Variants in ABAT observed in about 807,000 individuals in gnomAD.
ABAT encodes the protein 4-aminobutyrate aminotransferase, mitochondrial.
A neutral mutation model predicts 64.6 loss-of-function variants in ABAT; 45 were observed. The observed-to-expected ratio is 0.70, with a 90% confidence interval of 0.55 to 0.89. The LOEUF (loss-of-function observed/expected upper bound fraction) is 0.89. ABAT is among the 40% of genes least tolerant of loss of function. The probability of loss-of-function intolerance (pLI) is 0.00; values close to 1 mark genes in which losing one functional copy is unlikely to be tolerated. For missense variants in ABAT, 633 were observed against 658.4 expected (o/e 0.96, Z 0.42); for synonymous variants, 297 against 250.5 (o/e 1.19, Z -1.75).
At chr16:8,761,316 C>T (rs10775277) in intron 6 of ABAT, among the ~76,000 whole-genome samples, 111,957 of 151,204 alleles carry the variant, frequency 0.74, 41,679 homozygotes, top group East Asian at 0.82. Context: ...TCCCTTCTCA[C>T]CCCCTCCAAA....
chr16:8,685,324 G>C (rs368028145), intron 1 of ABAT, among the ~76,000 whole-genome samples: 1 of 151,888 alleles, frequency 6.6e-6, no homozygotes, highest in Non-Finnish European at 1.5e-5. Context: ...GCTAGAATCA[G>C]ATAATCCAAA....
At chr16:8,762,144 G>A (rs1013227635) in intron 6 of ABAT, among the ~76,000 whole-genome samples, 1 of 152,124 alleles carries the variant, frequency 6.6e-6, no homozygotes, top group Admixed American at 6.5e-5. Flanking sequence ...GATTATAGGC[G>A]TGAGCCACTG....
intron 5 of ABAT, among the ~76,000 whole-genome samples, chr16:8,755,407 A>G (rs149092687): frequency 0.019 from 2,880 of 152,324 alleles, 42 homozygotes; most frequent in Admixed American, 0.044. Flanking sequence ...CAGGGCTTCA[A>G]GACACATGAA....
chr16:8,764,676 G>T lies in ABAT; in HGVS notation c.448-62G>T, dbSNP rs1292949264. 8.8e-6 allele frequency: 13 copies of T among 1,472,340 alleles called. No homozygotes were observed. Among genetic ancestry groups the T allele is most frequent in the Middle Eastern group, 3.5e-4 (2 of 5,774 alleles). 91.2% of individuals were successfully genotyped at this position (1,472,340 alleles called of 1,614,324 possible). A position where few individuals can be genotyped will look rare whatever the true frequency, so the allele number is the denominator to read the frequency against. On this transcript the variant is annotated intron_variant, in intron 7 of 15. Transcript: ENST00000268251. The surrounding 1 kb of genome is among the most constrained non-coding windows in gnomAD (Gnocchi z 4.2). ...CCCTGCGAAGATTCAGCTCCAGCCA[G>T]GGGAAGCGGGAGGACAGGAGTCATG... is the stretch of plus-strand genomic sequence containing the variant.
chr16:8,722,437 A>C (rs1379875577), intron 1 of ABAT, among the ~76,000 whole-genome samples: 3 of 152,084 alleles, frequency 2.0e-5, no homozygotes, highest in African/African-American at 7.2e-5. Context: ...GAGCCACCAC[A>C]CCTGGCCAGA....
At chr16:8,754,666 ATTTATTTCTTTCTTTCTTTC>A (rs1331067321) in intron 5 of ABAT, among the ~76,000 whole-genome samples, 1 of 11,652 alleles carries the variant, frequency 8.6e-5, no homozygotes, top group African/African-American at 1.3e-4. Context: ...AAGTTGATTT[ATTTATTTCTTTCTTTCTTTC>A]TTTCTTTCTT....
intron 15 of ABAT, chr16:8,780,904 CT>C (rs752101640): frequency 1.2e-4 from 56 of 475,828 alleles, no homozygotes; most frequent in Non-Finnish European, 2.0e-4. Context: ...CCGACTCAGC[CT>C]GTGCTTTTGC....
chr16:8,780,013 G>A (rs1272899026), intron 15 of ABAT, among the ~76,000 whole-genome samples: 1 of 152,208 alleles, frequency 6.6e-6, no homozygotes, highest in Non-Finnish European at 1.5e-5. Flanking sequence ...GGAAATCAGG[G>A]CAGGCTCCCT....
At chr16:8,778,254 C>A (rs2060323947) in intron 14 of ABAT, among the ~76,000 whole-genome samples, 1 of 152,216 alleles carries the variant, frequency 6.6e-6, no homozygotes, top group Non-Finnish European at 1.5e-5. Flanking sequence ...AGAATTTATT[C>A]TCTCACAGTT....
intron 6 of ABAT, among the ~76,000 whole-genome samples, chr16:8,761,009 G>A (rs1246570825): frequency 6.6e-6 from 1 of 152,202 alleles, no homozygotes; most frequent in Admixed American, 6.5e-5. Flanking sequence ...AGCCCAGGAA[G>A]TCATTGCAGT....
At chr16:8,686,969 A>C (rs932088859) in intron 1 of ABAT, among the ~76,000 whole-genome samples, 1 of 152,200 alleles carries the variant, frequency 6.6e-6, no homozygotes, top group East Asian at 1.9e-4. Flanking sequence ...GTTTGTACTC[A>C]GGGGCTTTGG....
At chr16:8,735,173 CAAAAAA>C (rs79765636) in intron 1 of ABAT, among the ~76,000 whole-genome samples, 1 of 72,500 alleles carries the variant, frequency 1.4e-5, no homozygotes, top group Non-Finnish European at 3.1e-5. Context: ...GACTCCATCT[CAAAAAA>C]AAAAAAAAAA....
intron 1 of ABAT, chr16:8,715,281 T>C (rs968167092): frequency 2.0e-5 from 3 of 152,002 alleles, no homozygotes; most frequent in Admixed American, 2.0e-4. Flanking sequence ...TGAGCCCAAA[T>C]GCAATGTTTG....
chr16:8,701,262 T>C (rs985196073), intron 1 of ABAT, among the ~76,000 whole-genome samples: 4 of 152,230 alleles, frequency 2.6e-5, no homozygotes, highest in African/African-American at 9.6e-5. Context: ...AACAGCAGTA[T>C]GGACTGTGAA....
At chr16:8,748,710 T>C (rs1463580864) in intron 4 of ABAT, among the ~76,000 whole-genome samples, 1 of 152,218 alleles carries the variant, frequency 6.6e-6, no homozygotes, top group Non-Finnish European at 1.5e-5. Flanking sequence ...GGCTCTGTTT[T>C]TGGGTGCAAA....
rs541711875 is a variant in ABAT at position 8,717,482 on chromosome 16, G to A, written c.-41-18217G>A. The stretch of plus-strand genomic sequence containing the variant: ...TGTTATATTTCTTTTGGGCAGTACT[G>A]TCTTAGAGCATACTACCTGTGCCTT... On this transcript the variant is annotated intron_variant, in intron 1 of 15. Transcript: ENST00000268251. Among the ~76,000 whole-genome samples, 4 of 152,270 alleles carry A rather than the reference G, an allele frequency of 2.6e-5. No individual in the cohort carries two copies. The East Asian group carries it at 7.7e-4, about 29-fold the overall frequency.
chr16:8,719,921 C>T lies in ABAT; in HGVS notation c.-41-15778C>T, dbSNP rs188653533. On this transcript the variant is annotated intron_variant, in intron 1 of 15. Transcript: ENST00000268251. ...TCGGTTCTCAGGTTTAAGCAATTCT[C>T]CTGCCTCAGCCTCCCAAGTAGCTGG... is the stretch of plus-strand genomic sequence containing the variant. Among the ~76,000 whole-genome samples, 5 of 152,332 alleles carry T rather than the reference C, an allele frequency of 3.3e-5. No homozygotes were observed. The East Asian group carries it at 9.6e-4, about 29-fold the overall frequency.
chr16:8,697,189 G>A (rs774257390), intron 1 of ABAT, among the ~76,000 whole-genome samples: 2 of 152,158 alleles, frequency 1.3e-5, no homozygotes, highest in Non-Finnish European at 2.9e-5. Flanking sequence ...CAGCCGTTTC[G>A]GGCCCCGGGG....
intron 1 of ABAT, among the ~76,000 whole-genome samples, chr16:8,734,433 G>A (rs1216005638): frequency 1.3e-5 from 2 of 152,086 alleles, no homozygotes; most frequent in Non-Finnish European, 2.9e-5. Flanking sequence ...GGAGTGTTTG[G>A]GCTAAGTGTT....
Sources: gnomAD v4.1 joint callset for allele counts (sites outside exome capture counted in the v4.1 genomes callset) on GRCh38, gnomAD v4.1.1 for gene constraint, Gnocchi (gnomAD v3.1) non-coding constraint, MANE v1.5 for transcripts, NCBI Gene and HGNC (gene_info 2026-07-23, HGNC 2026-07-21) for gene names.